Variants in SPATA16 observed in about 807,000 individuals in gnomAD.
SPATA16 encodes spermatogenesis-associated protein 16.
In SPATA16, 36 loss-of-function variants were observed where a neutral mutation model predicts 63.3. The observed-to-expected ratio is 0.57, with a 90% CI of 0.44 to 0.75. The LOEUF (loss-of-function observed/expected upper bound fraction) is 0.75. Among genes scored for constraint, SPATA16 ranks in the 30% least tolerant of loss-of-function variants. The pLI is 0.00. For synonymous variants in SPATA16, 203 were observed against 216.7 expected (o/e 0.94, Z 0.56); for missense variants, 646 against 679.3 (o/e 0.95, Z 0.54).
chr3:173,032,418 C>A (rs1735626769), intron 3 of SPATA16, among the ~76,000 whole-genome samples: 1 of 152,048 alleles, frequency 6.6e-6, no homozygotes, highest in African/African-American at 2.4e-5. Context: ...CATTAAAAAT[C>A]ATCAGGATCT....
At chr3:173,044,696 A>C (rs186022469) in intron 3 of SPATA16, among the ~76,000 whole-genome samples, 536 of 152,142 alleles carry the variant, frequency 3.5e-3, no homozygotes, top group African/African-American at 0.013. Flanking sequence ...TATGCTGGAT[A>C]TTTTGGGTGA....
At chr3:173,031,465 C>T (rs1408812734) in intron 3 of SPATA16, among the ~76,000 whole-genome samples, 1 of 151,996 alleles carries the variant, frequency 6.6e-6, no homozygotes, top group Admixed American at 6.6e-5. Flanking sequence ...TCTTGGCCTA[C>T]AATCAGAAAG....
intron 4 of SPATA16, among the ~76,000 whole-genome samples, chr3:172,996,469 T>A (rs1734694391): frequency 6.6e-6 from 1 of 152,102 alleles, no homozygotes; most frequent in Non-Finnish European, 1.5e-5. Flanking sequence ...ATTTAAAAAT[T>A]TACTTTAAAT....
chr3:173,099,124 A>G (rs1737429525), intron 2 of SPATA16, among the ~76,000 whole-genome samples: 2 of 152,178 alleles, frequency 1.3e-5, no homozygotes, highest in African/African-American at 4.8e-5. Flanking sequence ...GAAGGTCAAT[A>G]GTAGCATAAC....
intron 2 of SPATA16, among the ~76,000 whole-genome samples, chr3:173,114,637 T>C (rs1737845420): frequency 6.6e-6 from 1 of 152,194 alleles, no homozygotes; most frequent in Non-Finnish European, 1.5e-5. Context: ...CAGACACTTA[T>C]TTTGCAGCCA....
At chr3:173,120,287 G>A (rs2108339517) in intron 1 of SPATA16, among the ~76,000 whole-genome samples, 1 of 152,228 alleles carries the variant, frequency 6.6e-6, no homozygotes, top group East Asian at 1.9e-4. Flanking sequence ...CTTCAGTTAA[G>A]ATCTCTGTTG....
intron 3 of SPATA16, among the ~76,000 whole-genome samples, chr3:173,023,831 A>G (rs1298314507): frequency 1.3e-5 from 2 of 151,624 alleles, no homozygotes. Context: ...CAATATGTCT[A>G]TATTCACATA....
chr3:173,050,888 C>A (rs975928690), intron 2 of SPATA16, among the ~76,000 whole-genome samples: 1 of 152,182 alleles, frequency 6.6e-6, no homozygotes, highest in East Asian at 1.9e-4. Context: ...ATAGATAAAA[C>A]ATTTAAACCA....
At chr3:173,023,660 T>G (rs1248820058) in intron 3 of SPATA16, among the ~76,000 whole-genome samples, 2 of 151,798 alleles carry the variant, frequency 1.3e-5, no homozygotes, top group Non-Finnish European at 2.9e-5. Flanking sequence ...TTTCTCTTCT[T>G]TATTCAAATA....
intron 2 of SPATA16, among the ~76,000 whole-genome samples, chr3:173,068,907 G>A (rs1379580293): frequency 2.7e-5 from 4 of 150,246 alleles, no homozygotes; most frequent in Non-Finnish European, 5.9e-5. Context: ...TCAGGAGATC[G>A]AGACCATCCT....
At chr3:173,124,873 A>G (rs1006006753) in intron 1 of SPATA16, among the ~76,000 whole-genome samples, 11 of 151,878 alleles carry the variant, frequency 7.2e-5, no homozygotes, top group African/African-American at 2.7e-4. Flanking sequence ...TTCTCCAGCT[A>G]CATTCTCTCC....
intron 2 of SPATA16, among the ~76,000 whole-genome samples, chr3:173,074,878 A>G (rs1205686145): frequency 6.6e-6 from 1 of 151,704 alleles, no homozygotes; most frequent in African/African-American, 2.4e-5. Context: ...TATGCCTGTA[A>G]TCTCAGCTAC....
At chr3:172,951,503 A>T (rs1489128606) in intron 6 of SPATA16, among the ~76,000 whole-genome samples, 1 of 152,218 alleles carries the variant, frequency 6.6e-6, no homozygotes, top group Admixed American at 6.5e-5. Context: ...ATTTAAAAAA[A>T]AAAAAATTTA....
chr3:173,026,603 G>A lies in SPATA16; in HGVS notation c.759-7028C>T, dbSNP rs905738433. 4.0e-5 allele frequency among the ~76,000 whole-genome samples: 6 copies of A among 151,778 alleles called. No homozygotes were observed. In the South Asian group the frequency reaches 6.2e-4, roughly 16 times the overall value. ...AACTATTGGAGTTGAATTTGTTTATGGTGTGAGGTAAAGATAAAGACATTT... is the reference window on the plus strand; with the variant it reads ...AACTATTGGAGTTGAATTTGTTTATAGTGTGAGGTAAAGATAAAGACATTT... On this transcript the variant is annotated intron_variant, in intron 3 of 10. Transcript: ENST00000351008.
chr3:172,907,991 C>T (rs567271340), intron 10 of SPATA16, among the ~76,000 whole-genome samples: 1 of 152,304 alleles, frequency 6.6e-6, no homozygotes, highest in South Asian at 2.1e-4. Flanking sequence ...GCTTTCTCCC[C>T]CATGGGGCAT....
chr3:172,918,469 A>T (rs1014474958), intron 8 of SPATA16, among the ~76,000 whole-genome samples: 10 of 152,268 alleles, frequency 6.6e-5, no homozygotes, highest in African/African-American at 2.4e-4. Context: ...TTGACTGCTA[A>T]TAGTCACCCC....
At chr3:172,974,833 C>T (rs926170760) in intron 5 of SPATA16, among the ~76,000 whole-genome samples, 18 of 152,010 alleles carry the variant, frequency 1.2e-4, no homozygotes, top group Admixed American at 9.8e-4. Flanking sequence ...AGTTGAAGCT[C>T]GCTACAGACT....
chr3:172,978,647 T>G (rs553253072), intron 4 of SPATA16, among the ~76,000 whole-genome samples: 1 of 152,314 alleles, frequency 6.6e-6, no homozygotes, highest in African/African-American at 2.4e-5. Flanking sequence ...GATTTACAAA[T>G]ATGGTTCAAC....
chr3:173,126,455 G>A (rs1218750567), intron 1 of SPATA16, among the ~76,000 whole-genome samples: 1 of 152,184 alleles, frequency 6.6e-6, no homozygotes, highest in Non-Finnish European at 1.5e-5. Context: ...TTAAGACAAA[G>A]TTTGAATCTC....
Sources: allele counts gnomAD v4.1 joint callset (sites outside exome capture counted in the v4.1 genomes callset), GRCh38; gene constraint gnomAD v4.1.1; transcripts MANE v1.5; gene names NCBI Gene and HGNC (gene_info 2026-07-23, HGNC 2026-07-21).